Variants in AJUBA observed in about 807,000 individuals in gnomAD.
AJUBA encodes LIM domain-containing protein ajuba.
In AJUBA, 20 loss-of-function variants were observed where a neutral mutation model predicts 53.3. The observed-to-expected ratio is 0.38, with a 90% CI of 0.26 to 0.55. The LOEUF (loss-of-function observed/expected upper bound fraction) is 0.55, where lower values mean the gene tolerates loss of function less well. Ranked by LOEUF, AJUBA falls within the 20% of genes least tolerant of loss-of-function variation. The probability of loss-of-function intolerance (pLI) is 0.80; values close to 1 mark genes in which losing one functional copy is unlikely to be tolerated. For missense variants in AJUBA, 580 were observed against 730.5 expected, an observed-to-expected ratio of 0.79 and a Z score of 2.38; for synonymous variants, 296 against 306.2, an observed-to-expected ratio of 0.97 and a Z score of 0.35.
chr14:22,974,191 TCCCAC>T, intron 6 of AJUBA, 76 bp from the exon 7 acceptor site: 1 of 1,479,490 alleles, frequency 6.8e-7, no homozygotes, highest in Non-Finnish European at 9.4e-7. Context: ...ATACAACCCT[TCCCAC>T]CCCATGGGAA....
intron 1 of AJUBA, 68 bp downstream of exon 1, chr14:22,981,193 G>A: frequency 1.3e-6 from 2 of 1,503,660 alleles, no homozygotes; most frequent in South Asian, 2.7e-5. Flanking sequence ...ACTTTGGGCC[G>A]TCGGGGCAGT....
rs1168723590 is a variant in AJUBA at position 22,973,172 on chromosome 14, C to T, written c.*271G>A. On this transcript the variant is annotated 3_prime_UTR_variant, in exon 8 of 8. Coordinates refer to ENST00000262713, the MANE Select transcript of AJUBA (RefSeq NM_032876.6). ...TACTGAAGATACAGAATCAGATGTT[C>T]AGAAAGTCCTGGAACCCTCCTGTGT... The T allele has an allele frequency of 6.6e-6, 3 of 457,822 alleles. No homozygotes were observed. The highest frequency in any genetic ancestry group is 5.9e-5 in the African/African-American group (3 of 50,894). 28.4% of individuals were successfully genotyped at this position (457,822 alleles called of 1,614,324 possible). A position where few individuals can be genotyped will look rare whatever the true frequency, so the allele number is the denominator to read the frequency against.
In AJUBA at chr14:22,982,272, C is replaced by A; in HGVS notation, c.-6G>T. 6.2e-7 allele frequency: 1 copy of A among 1,613,122 alleles called. No homozygotes were observed. Among genetic ancestry groups the A allele is most frequent in the East Asian group, 2.2e-5 (1 of 44,798 alleles). The stretch of plus-strand genomic sequence containing the variant: ...TTCTCTCCTAACCGCTCCATGCCCT[C>A]GGGCCTGGGGCCTCTCGCCCCCTCC... On this transcript the variant is annotated 5_prime_UTR_variant, in exon 1 of 8. Coordinates refer to ENST00000262713, the MANE Select transcript of AJUBA (RefSeq NM_032876.6).
In AJUBA at chr14:22,982,235, AGGC is replaced by A; in HGVS notation, c.29_31del (p.Arg10del). The A allele has an allele frequency of 6.2e-7, 1 of 1,613,962 alleles. No individual in the cohort carries two copies. The highest frequency in any genetic ancestry group is 8.5e-7 in the Non-Finnish European group (1 of 1,179,916). On this transcript the variant is annotated inframe_deletion, in exon 1 of 8. Coordinates refer to ENST00000262713, the MANE Select transcript of AJUBA (RefSeq NM_032876.6). ...CTTTCTGCGGCCGAACTTCTCCAGC[AGGC>A]GACTGGCTTTCTCTCCTAACCGCTC...
intron 1 of AJUBA, chr14:22,978,995 G>C (rs1187421221): frequency 1.2e-5 from 16 of 1,289,064 alleles, no homozygotes; most frequent in Non-Finnish European, 1.6e-5. Flanking sequence ...GATCTGGCTT[G>C]GCAGAGGGCT....
rs781720935 is a variant in AJUBA, at chr14:22,976,648, A to G, written c.1173T>C (p.Tyr391=). The G allele has an allele frequency of 1.6e-5, 26 of 1,613,958 alleles. No individual in the cohort carries two copies. The highest frequency in any genetic ancestry group is 2.1e-5 in the Non-Finnish European group (25 of 1,179,996). The change falls in exon 3 of 8, where the codon TAT becomes TAC. Residue 391 remains tyrosine, a synonymous_variant. Transcript: ENST00000262713. ...GGTCCAGGTGACCCTTACTCACCAG[A>G]TAATCTTCCTCACAGTACACAGAGC... The part of the protein sequence containing the change: ...VNGSVYCEED[Y]LFSGFQEAAE...
intron 6 of AJUBA, 134 bp from the exon 7 acceptor site, chr14:22,974,249 G>GT (rs1228632958): frequency 1.1e-6 from 1 of 907,424 alleles, no homozygotes; most frequent in African/African-American, 1.6e-5. Flanking sequence ...ATCACCTGTA[G>GT]TTTTAAGATG....
At chr14:22,977,295 C>G in intron 2 of AJUBA, 1 of 827,818 alleles carries the variant, frequency 1.2e-6, no homozygotes, top group African/African-American at 1.9e-5. Context: ...GGCTGCTTCC[C>G]TAAGCTTAGA....
rs2045113118 is a variant in AJUBA at position 22,982,451 on chromosome 14, G to A, written c.-185C>T. ...ACAGCATCCCCCAGCGGGAGGGGCT[G>A]CGTCCCCCCGCGCATCTGGGGCTGA... is the stretch of plus-strand genomic sequence containing the variant. On this transcript the variant is annotated 5_prime_UTR_variant, in exon 1 of 8. The change creates a premature stop within an existing upstream ORF in the 5' untranslated region. Transcript: ENST00000262713. 7.0e-7 allele frequency: 1 copy of A among 1,429,148 alleles called. No individual in the cohort carries two copies. The highest frequency in any genetic ancestry group is 2.6e-5 in the East Asian group (1 of 38,054). The allele number at this position is 1,429,148 out of a possible 1,614,324, so 88.5% of individuals were successfully genotyped here.
intron 4 of AJUBA, 97 bp downstream of exon 4, chr14:22,976,359 G>A (rs189945692): frequency 2.4e-6 from 3 of 1,259,930 alleles, no homozygotes; most frequent in East Asian, 2.3e-5. Flanking sequence ...TCTGGTGACA[G>A]GCTTCTTTCC....
Position 22,973,611 on chromosome 14 carries a change from G to A in AJUBA, c.1492-43C>T, listed in dbSNP as rs542836873. 1.3e-3 allele frequency: 2,039 copies of A among 1,609,758 alleles called. 37 individuals are homozygous for A. In the South Asian group the frequency reaches 0.021, roughly 17 times the overall value. On this transcript the variant is annotated intron_variant, in intron 7 of 7. Transcript: ENST00000262713. ...TAGTTCACCTCAGCCTAGGCACCTT[G>A]GACACTGAGGGTATCTTAGGAGTCT...
In AJUBA at chr14:22,981,577, C is replaced by G; in HGVS notation, c.690G>C (p.Ser230=). Residue 230 remains serine, a synonymous_variant, in exon 1 of 8, where the codon TCG becomes TCC. Coordinates refer to ENST00000262713, the MANE Select transcript of AJUBA (RefSeq NM_032876.6). The stretch of plus-strand genomic sequence containing the variant: ...CAGGGCTGCCCAGGGCCGGGGGATA[C>G]GAGTGGCGGCTTTCCTGGCAGCCGA... The part of the protein sequence containing the change: ...AGFGCQESRH[S]YPPALGSPGA... 6.4e-7 allele frequency: 1 copy of G among 1,561,676 alleles called. No homozygotes were observed. Among genetic ancestry groups the G allele is most frequent in the Non-Finnish European group, 8.6e-7 (1 of 1,157,776 alleles).
Position 22,981,289 on chromosome 14 carries a change from C to T in AJUBA, c.978G>A (p.Arg326=), listed in dbSNP as rs758690624. 20 of 1,611,116 alleles carry T rather than the reference C, an allele frequency of 1.2e-5. No homozygotes were observed. In the South Asian group the frequency reaches 1.3e-4, roughly 11 times the overall value. The change falls in exon 1 of 8, where the codon CGG becomes CGA. Residue 326 remains arginine, a synonymous_variant. Coordinates refer to ENST00000262713, the MANE Select transcript of AJUBA (RefSeq NM_032876.6). Reference sequence around the variant, plus strand: ...AGTAGTCCTCCCTGGCCTCTGGCTCCCGCATCCGGGCCCGGGCGGCCTCCG... The same window carrying T: ...AGTAGTCCTCCCTGGCCTCTGGCTCTCGCATCCGGGCCCGGGCGGCCTCCG... The part of the protein sequence containing the change: ...FVPEAARARM[R]EPEAREDYFG...
intron 6 of AJUBA, 171 bp downstream of exon 6, chr14:22,974,668 C>T (rs1395568806): frequency 1.7e-5 from 12 of 701,602 alleles, no homozygotes; most frequent in Admixed American, 6.1e-5. Flanking sequence ...TGTCCAGGCC[C>T]GGATATTAGG....
chr14:22,979,246 C>G lies in AJUBA; in HGVS notation c.1007-801G>C, dbSNP rs1690510787. The G allele has an allele frequency of 4.5e-6, 3 of 672,950 alleles. No homozygotes were observed. In the South Asian group the frequency reaches 2.0e-4, roughly 45 times the overall value. 41.7% of individuals were successfully genotyped at this position (672,950 alleles called of 1,614,324 possible). On this transcript the variant is annotated intron_variant, in intron 1 of 7. Transcript: ENST00000262713. This position sits in a 1 kb window ranked among gnomAD's most constrained non-coding sequence, Gnocchi z 4.0. The stretch of plus-strand genomic sequence containing the variant: ...ACTTGCCTTTCCTGGGTGTGTTCTT[C>G]CCTCCCTCCACTCCCCAATTCCAGG...
In AJUBA at chr14:22,976,927, G is replaced by C. The variant is rs1041051111; in HGVS notation, c.1109-215C>G. The C allele has an allele frequency of 2.1e-6, 3 of 1,401,652 alleles. No homozygotes were observed. In the African/African-American group the frequency reaches 4.3e-5, roughly 20 times the overall value. 86.8% of individuals were successfully genotyped at this position (1,401,652 alleles called of 1,614,324 possible). The stretch of plus-strand genomic sequence containing the variant: ...AGCCAACTTCCCCTCTCCTCTGCTT[G>C]CTGCTCCTCCAGCTCCTGCCTCCTT... On this transcript the variant is annotated intron_variant, in intron 2 of 7. Coordinates refer to ENST00000262713, the MANE Select transcript of AJUBA (RefSeq NM_032876.6).
chr14:22,980,531 CCT>C lies in AJUBA; in HGVS notation c.1006+728_1006+729del, dbSNP rs1039245030. ...GTGTCCCAGTAGTCATGACTTTTAC[CCT>C]GACTTCCGGAGGATGGGGAAAATAG... On this transcript the variant is annotated intron_variant, in intron 1 of 7. Transcript: ENST00000262713. 3.2e-6 allele frequency: 3 copies of C among 948,774 alleles called. No individual in the cohort carries two copies. In the African/African-American group the frequency reaches 5.3e-5, roughly 17 times the overall value. 58.8% of individuals were successfully genotyped at this position (948,774 alleles called of 1,614,324 possible).
At position 22,979,024 on chromosome 14, in the gene AJUBA, G is replaced by A. The variant is rs923034603; in HGVS notation, c.1007-579C>T. On this transcript the variant is annotated intron_variant, in intron 1 of 7. Transcript: ENST00000262713. The surrounding 1 kb of genome is among the most constrained non-coding windows in gnomAD (Gnocchi z 4.0). ...GAGGGCTCCGTGCAGAGGGGACCAT[G>A]TGAGCATGATTCCTGTGGGGAGGTG... 1 of 1,289,056 alleles carries A rather than the reference G, an allele frequency of 7.8e-7. No individual in the cohort carries two copies. Among genetic ancestry groups the A allele is most frequent in the Non-Finnish European group, 1.0e-6 (1 of 988,710 alleles). The allele number at this position is 1,289,056 out of a possible 1,614,324, so 79.9% of individuals were successfully genotyped here.
chr14:22,979,220 G>C lies in AJUBA; in HGVS notation c.1007-775C>G. On this transcript the variant is annotated intron_variant, in intron 1 of 7. Transcript: ENST00000262713. The surrounding 1 kb of genome is among the most constrained non-coding windows in gnomAD (Gnocchi z 4.0). Reference sequence around the variant, plus strand: ...CTAAGATATATACACCTGGCTCTGGGACTTGCCTTTCCTGGGTGTGTTCTT... The same window carrying C: ...CTAAGATATATACACCTGGCTCTGGCACTTGCCTTTCCTGGGTGTGTTCTT... 1.1e-6 allele frequency: 1 copy of C among 888,996 alleles called. No homozygotes were observed. The allele number at this position is 888,996 out of a possible 1,614,324, so 55.1% of individuals were successfully genotyped here.
Sources: allele counts gnomAD v4.1 joint callset, GRCh38; gene constraint gnomAD v4.1.1; non-coding constraint Gnocchi (gnomAD v3.1); transcripts MANE v1.5; gene names NCBI Gene and HGNC (gene_info 2026-07-23, HGNC 2026-07-21).